Variants in MFSD11 observed in about 807,000 individuals in gnomAD.
MFSD11 encodes major facilitator superfamily domain containing 11.
MFSD11 carries 36 observed loss-of-function variants against 53.5 expected under a neutral mutation model. That is an observed-to-expected ratio of 0.67 (90% CI 0.52 to 0.89). The LOEUF (loss-of-function observed/expected upper bound fraction) is 0.89. MFSD11 is among the 40% of genes least tolerant of loss of function. MFSD11 has a pLI of 0.00. For synonymous variants in MFSD11, 186 were observed against 184.9 expected (o/e 1.01, Z -0.05); for missense variants, 530 against 543.9 (o/e 0.97, Z 0.25).
chr17:76,756,415 C>T (rs1467269807), intron 8 of MFSD11, among the ~76,000 whole-genome samples: 1 of 152,268 alleles, frequency 6.6e-6, no homozygotes, highest in East Asian at 1.9e-4. Flanking sequence ...TGAGCCACCA[C>T]ACCTGGCTCG....
chr17:76,753,956 GT>G, intron 7 of MFSD11, 90 bp from the exon 8 acceptor site: 1 of 1,121,006 alleles, frequency 8.9e-7, no homozygotes, highest in Non-Finnish European at 1.3e-6. Flanking sequence ...ATAGGACAGG[GT>G]TTTTACGAAC....
At chr17:76,787,366 A>G in the MFSD11 span, among the ~76,000 whole-genome samples, 5 of 149,566 alleles carry the variant, frequency 3.3e-5, no homozygotes, top group Non-Finnish European at 7.4e-5. Context: ...TGAACTCCTG[A>G]CCTCAGGTGA....
rs539671025 is a variant in MFSD11 at position 76,751,541 on chromosome 17, T to TCATGCCTGTCTCTACAGGCATGGTGGTG, written c.642-2496_642-2469dup. The stretch of plus-strand genomic sequence containing the variant: ...TACTGTCTCTGCAAAAATTTAAAAA[T>TCATGCCTGTCTCTACAGGCATGGTGGTG]CATGCCTGTCTCTACAGGCATGGTG... On this transcript the variant is annotated intron_variant, in intron 7 of 12. Transcript: ENST00000685175. Among the ~76,000 whole-genome samples the TCATGCCTGTCTCTACAGGCATGGTGGTG allele has an allele frequency of 8.5e-4, 129 of 151,410 alleles. No individual in the cohort carries two copies. The South Asian group carries it at 0.012, about 14-fold the overall frequency.
At chr17:76,742,750 C>T (rs1031005797) in intron 5 of MFSD11, among the ~76,000 whole-genome samples, 4 of 152,090 alleles carry the variant, frequency 2.6e-5, no homozygotes, top group African/African-American at 4.8e-5. Flanking sequence ...GTGATCCGCC[C>T]GCCTTGGGCT....
intron 8 of MFSD11, among the ~76,000 whole-genome samples, chr17:76,765,452 C>CTTTT (rs59878271): frequency 1.3e-4 from 12 of 91,470 alleles, no homozygotes; most frequent in Non-Finnish European, 1.5e-4. Flanking sequence ...CTTGAATTTC[C>CTTTT]TTTTTTTTTT....
intron 8 of MFSD11, among the ~76,000 whole-genome samples, chr17:76,755,850 T>G (rs1214772835): frequency 1.8e-5 from 2 of 111,108 alleles, no homozygotes; most frequent in African/African-American, 3.4e-5. Context: ...TGAGATGGAG[T>G]TTTGCTCTTG....
Position 76,738,920 on chromosome 17 carries a change from G to T in MFSD11, c.97-18G>T. 6.2e-7 allele frequency: 1 copy of T among 1,612,658 alleles called. No homozygotes were observed. Among genetic ancestry groups the T allele is most frequent in the Non-Finnish European group, 8.5e-7 (1 of 1,178,694 alleles). ...GACTGCAAAACATTTTCGTTGATTA[G>T]TTTTATCTTCCACACAGCAAACTGT... is the stretch of plus-strand genomic sequence containing the variant. On this transcript the variant is annotated intron_variant, in intron 1 of 12. Coordinates refer to ENST00000685175, the MANE Select transcript of MFSD11 (RefSeq NM_001242532.5).
At chr17:76,782,767 C>A (rs530142892), downstream of MFSD11, among the ~76,000 whole-genome samples, 1 of 152,090 alleles carries the variant, frequency 6.6e-6, no homozygotes, top group East Asian at 1.9e-4. Flanking sequence ...CTTGAGCCCA[C>A]CACGCGGGGC....
rs1457552183 is a variant in MFSD11 at position 76,757,009 on chromosome 17, G to C, written c.682+2922G>C. The stretch of plus-strand genomic sequence containing the variant: ...GCCCTTTCATGGATATTTCCTTCTT[G>C]TTGTCAGCAGGCTAGAAAGCCACAT... On this transcript the variant is annotated intron_variant, in intron 8 of 12. Coordinates refer to ENST00000685175, the MANE Select transcript of MFSD11 (RefSeq NM_001242532.5). 3.9e-5 allele frequency among the ~76,000 whole-genome samples: 6 copies of C among 152,064 alleles called. No homozygotes were observed. The East Asian group carries it at 7.7e-4, about 20-fold the overall frequency.
At chr17:76,743,042 A>G (rs941451354) in intron 5 of MFSD11, among the ~76,000 whole-genome samples, 9 of 152,224 alleles carry the variant, frequency 5.9e-5, no homozygotes, top group African/African-American at 2.2e-4. Context: ...AGATAACTAA[A>G]TCATGGATTT....
intron 7 of MFSD11, among the ~76,000 whole-genome samples, chr17:76,753,794 T>G (rs1178306532): frequency 1.3e-5 from 2 of 152,066 alleles, no homozygotes; most frequent in Non-Finnish European, 2.9e-5. Flanking sequence ...CATAAACATG[T>G]ACAATAAGTG....
intron 10 of MFSD11, among the ~76,000 whole-genome samples, chr17:76,771,788 C>A (rs932385638): frequency 6.6e-6 from 1 of 152,140 alleles, no homozygotes; most frequent in Non-Finnish European, 1.5e-5. Context: ...CCAGGTTGAT[C>A]AGAGTAACCT....
intron 2 of MFSD11, among the ~76,000 whole-genome samples, chr17:76,739,809 G>C (rs1197716078): frequency 6.6e-6 from 1 of 152,100 alleles, no homozygotes; most frequent in Non-Finnish European, 1.5e-5. Flanking sequence ...GGATGTTACT[G>C]TTCATTTTTG....
In MFSD11 at chr17:76,765,947, C is replaced by A. The variant is rs74702288; in HGVS notation, c.683-1439C>A. Among the ~76,000 whole-genome samples, 1,058 of 151,480 alleles carry A rather than the reference C, an allele frequency of 7.0e-3. 17 individuals are homozygous for A. Among genetic ancestry groups the A allele is most frequent in the African/African-American group, 0.025 (1,012 of 41,268 alleles). Reference sequence around the variant, plus strand: ...CCAGAGCACATTTGTTATAATGAGCCTACACTGACATGTCGTTATCACCTA... The same window carrying A: ...CCAGAGCACATTTGTTATAATGAGCATACACTGACATGTCGTTATCACCTA... On this transcript the variant is annotated intron_variant, in intron 8 of 12. Transcript: ENST00000685175.
downstream of MFSD11, among the ~76,000 whole-genome samples, chr17:76,779,781 G>A (rs146351526): frequency 3.9e-3 from 587 of 152,174 alleles, 2 homozygotes; most frequent in Non-Finnish European, 6.9e-3. Flanking sequence ...CACCATGCCC[G>A]GTCCTTTAAG....
At chr17:76,743,693 C>T (rs751533316) in intron 6 of MFSD11, among the ~76,000 whole-genome samples, 11 of 152,140 alleles carry the variant, frequency 7.2e-5, no homozygotes, top group South Asian at 4.1e-4. Flanking sequence ...CTTGGCTCAC[C>T]GCAACCTCCG....
intron 7 of MFSD11, among the ~76,000 whole-genome samples, chr17:76,748,646 G>A (rs1035504564): frequency 2.0e-5 from 3 of 151,656 alleles, no homozygotes; most frequent in Admixed American, 1.3e-4. Context: ...TGGTCACGCC[G>A]CTGCACTCCA....
intron 8 of MFSD11, among the ~76,000 whole-genome samples, chr17:76,758,425 G>T (rs2079862354): frequency 6.6e-6 from 1 of 151,702 alleles, no homozygotes; most frequent in Non-Finnish European, 1.5e-5. Flanking sequence ...TCTACAAAAG[G>T]TACAAAAATT....
intron 5 of MFSD11, 52 bp downstream of exon 5, chr17:76,742,325 C>A: frequency 6.7e-7 from 1 of 1,484,042 alleles, no homozygotes; most frequent in Non-Finnish European, 9.3e-7. Context: ...TTTTTTCTGT[C>A]ATACCATTTT....
Sources: gnomAD v4.1 joint callset for allele counts (sites outside exome capture counted in the v4.1 genomes callset) on GRCh38, gnomAD v4.1.1 for gene constraint, MANE v1.5 for transcripts, NCBI Gene and HGNC (gene_info 2026-07-23, HGNC 2026-07-21) for gene names.